The following RORA variants were observed in gnomAD, a reference collection of about 807,000 sequenced individuals.
RORA encodes the protein RAR related orphan receptor A.
A neutral mutation model predicts 69.5 loss-of-function variants in RORA; 7 were observed. The observed-to-expected ratio is 0.10, with a 90% confidence interval of 0.06 to 0.19. The LOEUF is 0.19. RORA is among the 10% of genes least tolerant of loss of function. RORA has a pLI of 1.00. For synonymous variants in RORA, 261 were observed against 240.8 expected (o/e 1.08, Z -0.78); for missense variants, 457 against 663.0 (o/e 0.69, Z 3.41).
chr15:61,188,936 T>C (rs931907537), intron 1 of RORA, among the ~76,000 whole-genome samples: 3 of 152,164 alleles, frequency 2.0e-5, no homozygotes, highest in African/African-American at 7.2e-5. Context: ...AGAACTAATA[T>C]TGCAAGTACT....
chr15:60,535,813 G>A (rs1374757581), intron 2 of RORA, among the ~76,000 whole-genome samples: 1 of 152,106 alleles, frequency 6.6e-6, no homozygotes, highest in Non-Finnish European at 1.5e-5. Context: ...TGCTAATAAT[G>A]TGTCACGCAT....
chr15:60,656,565 G>T (rs1301766155), intron 2 of RORA, among the ~76,000 whole-genome samples: 1 of 151,986 alleles, frequency 6.6e-6, no homozygotes, highest in African/African-American at 2.4e-5. Flanking sequence ...GTGAAATAGT[G>T]AACTTCCTCC....
chr15:61,031,762 T>C (rs991405459), intron 1 of RORA, among the ~76,000 whole-genome samples: 16 of 152,198 alleles, frequency 1.1e-4, no homozygotes, highest in Non-Finnish European at 7.3e-5. Flanking sequence ...CGTGGAAGGA[T>C]AAATCTGCTA....
intron 1 of RORA, among the ~76,000 whole-genome samples, chr15:60,705,127 G>A (rs146215234): frequency 5.4e-5 from 8 of 147,284 alleles, no homozygotes; most frequent in African/African-American, 5.0e-5. Flanking sequence ...TTTTGTGCCA[G>A]AAAAAAAAAA....
chr15:61,024,869 G>C (rs1186622618), intron 1 of RORA, among the ~76,000 whole-genome samples: 1 of 152,202 alleles, frequency 6.6e-6, no homozygotes, highest in Non-Finnish European at 1.5e-5. Context: ...TGGGATTAAA[G>C]GTGTGAGCCA....
intron 1 of RORA, among the ~76,000 whole-genome samples, chr15:60,738,223 T>C (rs1296438803): frequency 6.6e-6 from 1 of 152,230 alleles, no homozygotes; most frequent in Non-Finnish European, 1.5e-5. Context: ...GGAGACATTT[T>C]TGAAACTGTC....
chr15:60,958,322 A>T (rs981214601), intron 1 of RORA, among the ~76,000 whole-genome samples: 1 of 152,154 alleles, frequency 6.6e-6, no homozygotes, highest in Non-Finnish European at 1.5e-5. Context: ...TGCCCTGGAG[A>T]GTCATTAGGG....
intron 1 of RORA, among the ~76,000 whole-genome samples, chr15:61,200,925 A>G (rs1404064705): frequency 6.6e-6 from 1 of 152,210 alleles, no homozygotes; most frequent in Non-Finnish European, 1.5e-5. Context: ...CCAGGGAAAA[A>G]AAAATGCAAA....
At chr15:61,103,315 C>G (rs2078907178) in intron 1 of RORA, among the ~76,000 whole-genome samples, 1 of 152,168 alleles carries the variant, frequency 6.6e-6, no homozygotes, top group Non-Finnish European at 1.5e-5. Context: ...GTAACCAGTC[C>G]CCAGACAATT....
intron 1 of RORA, among the ~76,000 whole-genome samples, chr15:61,176,897 A>C (rs1201333729): frequency 6.6e-6 from 1 of 152,210 alleles, no homozygotes; most frequent in East Asian, 1.9e-4. Context: ...TTCATGCTTT[A>C]TATGTCCTGA....
intron 1 of RORA, among the ~76,000 whole-genome samples, chr15:60,873,779 A>C (rs2073584549): frequency 1.3e-5 from 2 of 152,318 alleles, no homozygotes; most frequent in South Asian, 4.1e-4. Flanking sequence ...GCAGCTAGAG[A>C]TATCCGGTTG....
intron 1 of RORA, among the ~76,000 whole-genome samples, chr15:61,034,685 A>G (rs1008832279): frequency 6.6e-6 from 1 of 151,254 alleles, no homozygotes; most frequent in African/African-American, 2.4e-5. Context: ...ATGTGTGACT[A>G]TAATTGTGCA....
intron 1 of RORA, among the ~76,000 whole-genome samples, chr15:60,719,035 GT>G (rs199788120): frequency 4.3e-4 from 54 of 126,050 alleles, no homozygotes; most frequent in African/African-American, 1.5e-3. Context: ...GTGTGTGTGT[GT>G]GGGGGGGGTG....
chr15:60,985,582 C>CTCTTTTTTT (rs763530590), intron 1 of RORA, among the ~76,000 whole-genome samples: 1 of 100,864 alleles, frequency 9.9e-6, no homozygotes, highest in Non-Finnish European at 1.8e-5. Context: ...AACTCATCCT[C>CTCTTTTTTT]TTTTTTTTTT....
intron 2 of RORA, among the ~76,000 whole-genome samples, chr15:60,611,671 G>C (rs1702726269): frequency 6.7e-6 from 1 of 148,408 alleles, no homozygotes; most frequent in Admixed American, 6.8e-5. Flanking sequence ...AATAGGCAGG[G>C]CTCCTTTCCT....
intron 1 of RORA, among the ~76,000 whole-genome samples, chr15:61,204,552 G>T (rs1189160441): frequency 2.0e-5 from 3 of 152,220 alleles, no homozygotes; most frequent in Admixed American, 2.0e-4. Flanking sequence ...CTGGACAGGG[G>T]ACACCTGAGG....
chr15:61,113,964 A>C (rs1327324663), intron 1 of RORA, among the ~76,000 whole-genome samples: 1 of 152,194 alleles, frequency 6.6e-6, no homozygotes, highest in Non-Finnish European at 1.5e-5. Flanking sequence ...TTTCCATCTG[A>C]AATAGGGGAA....
chr15:60,996,548 C>G (rs1310719378), intron 1 of RORA, among the ~76,000 whole-genome samples: 3 of 152,164 alleles, frequency 2.0e-5, no homozygotes, highest in Admixed American at 2.0e-4. Flanking sequence ...AATGAAGTGG[C>G]AGCTACAGTA....
At chr15:60,836,927 C>T (rs765660587) in intron 1 of RORA, among the ~76,000 whole-genome samples, 55 of 152,318 alleles carry the variant, frequency 3.6e-4, no homozygotes, top group Non-Finnish European at 7.1e-4. Context: ...TACATTGCAG[C>T]CAGCAATGCT....
Sources: allele counts gnomAD v4.1 joint callset (sites outside exome capture counted in the v4.1 genomes callset), GRCh38; gene constraint gnomAD v4.1.1; transcripts MANE v1.5; gene names NCBI Gene and HGNC (gene_info 2026-07-23, HGNC 2026-07-21).